The following MAG variants were observed in gnomAD, a reference collection of about 807,000 sequenced individuals.
MAG encodes myelin-associated glycoprotein.
A neutral mutation model predicts 60.7 loss-of-function variants in MAG; 30 were observed. That is an observed-to-expected ratio of 0.49 (90% CI 0.37 to 0.67). MAG has a LOEUF of 0.67. MAG is among the 30% of genes least tolerant of loss of function. The pLI is 0.00. For synonymous variants in MAG, 384 were observed against 376.8 expected (o/e 1.02, Z -0.22); for missense variants, 795 against 851.7 (o/e 0.93, Z 0.83).
chr19:35,308,296 G>A (rs890981287), intron 7 of MAG, among the ~76,000 whole-genome samples: 2 of 152,222 alleles, frequency 1.3e-5, no homozygotes, highest in South Asian at 2.1e-4. Context: ...AGGGAGAAAC[G>A]TACAGACCCT....
intron 9 of MAG, 24 bp from the exon 10 acceptor site, chr19:35,311,893 AG>A: frequency 6.5e-7 from 1 of 1,533,146 alleles, no homozygotes; most frequent in Non-Finnish European, 9.0e-7. Context: ...GGGCAGAGAG[AG>A]GTCTGACGAG....
intron 10 of MAG, chr19:35,312,263 C>T: frequency 6.2e-7 from 1 of 1,612,696 alleles, no homozygotes; most frequent in African/African-American, 1.3e-5. Context: ...TCTGTGACTG[C>T]ATTTCCTTCT....
chr19:35,312,486 C>T, intron 10 of MAG: 2 of 649,668 alleles, frequency 3.1e-6, no homozygotes, highest in East Asian at 2.7e-5. Flanking sequence ...TGTTGCAGCT[C>T]CCTTCTGTCT....
chr19:35,310,658 G>A lies in MAG; in HGVS notation c.1616+15G>A, dbSNP rs1364455735. 6.2e-7 allele frequency: 1 copy of A among 1,612,264 alleles called. No individual in the cohort carries two copies. Among genetic ancestry groups the A allele is most frequent in the Non-Finnish European group, 8.5e-7 (1 of 1,178,738 alleles). On this transcript the variant is annotated intron_variant, in intron 9 of 10. Transcript: ENST00000392213. ...ACACGCAGGAAGTGAGTGCCAGCTG[G>A]GGCTGATCTGGGGATGGGAGTCTCC...
intron 10 of MAG, among the ~76,000 whole-genome samples, chr19:35,312,900 G>A (rs903157262): frequency 6.6e-6 from 1 of 152,114 alleles, no homozygotes; most frequent in Non-Finnish European, 1.5e-5. Context: ...TTAGCCAGGC[G>A]TGTTGGCAGG....
rs1275806313 is a variant in MAG, at chr19:35,293,671, C to T, written c.-79-564C>T. On this transcript the variant is annotated intron_variant, in intron 1 of 10. Transcript: ENST00000392213. This position sits in a 1 kb window ranked among gnomAD's most constrained non-coding sequence, Gnocchi z 4.0. Reference sequence around the variant, plus strand: ...CTCGCTAGCCCCCACCCTGGGCCTTCCTGGCCCTGCTCAAAGGCCAGCCAG... The same window carrying T: ...CTCGCTAGCCCCCACCCTGGGCCTTTCTGGCCCTGCTCAAAGGCCAGCCAG... Among the ~76,000 whole-genome samples the T allele has an allele frequency of 6.6e-6, 1 of 152,066 alleles. No individual in the cohort carries two copies. Among genetic ancestry groups the T allele is most frequent in the Non-Finnish European group, 1.5e-5 (1 of 67,988 alleles).
At chr19:35,301,682 G>A (rs183335031) in intron 6 of MAG, among the ~76,000 whole-genome samples, 17 of 150,808 alleles carry the variant, frequency 1.1e-4, no homozygotes, top group African/African-American at 3.7e-4. Context: ...TGCCCACCTC[G>A]GCCTCCCAAA....
intron 7 of MAG, among the ~76,000 whole-genome samples, chr19:35,305,697 G>A (rs1010345082): frequency 1.3e-5 from 2 of 152,206 alleles, no homozygotes; most frequent in Non-Finnish European, 2.9e-5. Flanking sequence ...GCCCACACCT[G>A]TAGTCCCAGC....
chr19:35,313,789 T>G lies in MAG; in HGVS notation c.*335T>G, dbSNP rs747500217. On this transcript the variant is annotated 3_prime_UTR_variant, in exon 11 of 11. Transcript: ENST00000392213. Reference sequence around the variant, plus strand: ...GGGCCTGTACAAAAGGGACATGAAATAAATGCCCCAAAGCCAAATGCCAGT... The same window carrying G: ...GGGCCTGTACAAAAGGGACATGAAAGAAATGCCCCAAAGCCAAATGCCAGT... 5.2e-6 allele frequency: 1 copy of G among 193,882 alleles called. No individual in the cohort carries two copies. Among genetic ancestry groups the G allele is most frequent in the Non-Finnish European group, 1.0e-5 (1 of 95,872 alleles). The allele number at this position is 193,882 out of a possible 1,614,324, so 12.0% of individuals were successfully genotyped here. A position where few individuals can be genotyped will look rare whatever the true frequency, so the allele number is the denominator to read the frequency against.
chr19:35,310,326 C>T (rs967963039), intron 8 of MAG, among the ~76,000 whole-genome samples, 165 bp downstream of exon 8: 1 of 152,234 alleles, frequency 6.6e-6, no homozygotes, highest in South Asian at 2.1e-4. Context: ...CTGAGTTTGC[C>T]CCGAGTTTGC....
rs145836924 is a variant in MAG at position 35,309,998 on chromosome 19, C to A, written c.1356C>A (p.Thr452=). The A allele has an allele frequency of 8.1e-6, 13 of 1,614,014 alleles. No individual in the cohort carries two copies. The African/African-American group carries it at 1.1e-4, about 13-fold the overall frequency. Residue 452 remains threonine (T), a synonymous_variant, in exon 8 of 11, where the codon ACC becomes ACA. Coordinates refer to ENST00000392213, the MANE Select transcript of MAG (RefSeq NM_002361.4). The part of the protein sequence containing the change: ...VAFELPSRNV[T]VNESEREFVY... ...TTGAGCTGCCATCGCGCAATGTGAC[C>A]GTGAACGAGAGCGAGCGGGAGTTCG...
chr19:35,292,490 C>T (rs987750480), intron 1 of MAG, among the ~76,000 whole-genome samples: 4 of 151,990 alleles, frequency 2.6e-5, no homozygotes, highest in Admixed American at 1.3e-4. Context: ...CCTTGGGGTT[C>T]CCGAGTGCGG....
At chr19:35,297,658 TAC>T (rs2066411199) in intron 4 of MAG, among the ~76,000 whole-genome samples, 2 of 99,642 alleles carry the variant, frequency 2.0e-5, no homozygotes, top group South Asian at 6.8e-4. Context: ...CTACACACAC[TAC>T]ACACACCACA....
rs571607482 is a variant in MAG at position 35,293,882 on chromosome 19, T to C, written c.-79-353T>C. On this transcript the variant is annotated intron_variant, in intron 1 of 10. Coordinates refer to ENST00000392213, the MANE Select transcript of MAG (RefSeq NM_002361.4). This position sits in a 1 kb window ranked among gnomAD's most constrained non-coding sequence, Gnocchi z 4.0. ...AATTCACGCGGCATGTCGGGAATGC[T>C]GATACTGTGAAACCCAGTCATTGAT... 6.6e-6 allele frequency among the ~76,000 whole-genome samples: 1 copy of C among 152,158 alleles called. No homozygotes were observed. The highest frequency in any genetic ancestry group is 2.1e-4 in the South Asian group (1 of 4,822).
chr19:35,297,915 C>A (rs185457754), intron 4 of MAG, among the ~76,000 whole-genome samples: 1 of 146,316 alleles, frequency 6.8e-6, no homozygotes, highest in East Asian at 2.1e-4. Context: ...ACTACAAAAA[C>A]CACACATCAC....
Position 35,310,301 on chromosome 19 carries a change from A to C in MAG, c.1519+140A>C, listed in dbSNP as rs1303816741. 4 of 1,242,030 alleles carry C rather than the reference A, an allele frequency of 3.2e-6. No homozygotes were observed. The East Asian group carries it at 1.0e-4, about 32-fold the overall frequency. The allele number at this position is 1,242,030 out of a possible 1,614,324, so 76.9% of individuals were successfully genotyped here. ...GGTCAAATTCTCCCTTTCCGGTTGG[A>C]GAGGAGAAGCCGCCCTGAGTTTGCC... On this transcript the variant is annotated intron_variant, in intron 8 of 10. Coordinates refer to ENST00000392213, the MANE Select transcript of MAG (RefSeq NM_002361.4).
At chr19:35,301,262 A>G (rs538545385) in intron 6 of MAG, among the ~76,000 whole-genome samples, 4 of 152,130 alleles carry the variant, frequency 2.6e-5, no homozygotes, top group Non-Finnish European at 5.9e-5. Context: ...ATGCACATTT[A>G]TATTACTGGG....
intron 1 of MAG, among the ~76,000 whole-genome samples, chr19:35,292,751 C>T (rs1309797892): frequency 6.6e-6 from 1 of 151,842 alleles, no homozygotes; most frequent in African/African-American, 2.4e-5. Flanking sequence ...ACTAAGGACA[C>T]TTTTTATTTT....
intron 7 of MAG, among the ~76,000 whole-genome samples, chr19:35,305,002 G>A (rs181378023): frequency 6.6e-6 from 1 of 152,322 alleles, no homozygotes; most frequent in Non-Finnish European, 1.5e-5. Context: ...TGCCCCAGCT[G>A]TTAAACCTCT....
Sources: allele counts gnomAD v4.1 joint callset (sites outside exome capture counted in the v4.1 genomes callset), GRCh38; gene constraint gnomAD v4.1.1; non-coding constraint Gnocchi (gnomAD v3.1); transcripts MANE v1.5; gene names NCBI Gene and HGNC (gene_info 2026-07-23, HGNC 2026-07-21).